Variants in CLEC16A observed in about 807,000 individuals in gnomAD.
The protein encoded by CLEC16A is C-type lectin domain containing 16A.
Under a neutral mutation model 109.5 loss-of-function variants are expected in CLEC16A, and 51 were observed. The observed-to-expected ratio is 0.47, with a 90% CI of 0.37 to 0.59. The LOEUF is 0.59. Ranked by LOEUF, CLEC16A falls within the 20% of genes least tolerant of loss-of-function variation. The pLI, the probability that CLEC16A is intolerant of heterozygous loss-of-function variation, is 0.00. For missense variants in CLEC16A, 1,339 were observed against 1,394.0 expected (o/e 0.96, Z 0.63); for synonymous variants, 673 against 564.2 (o/e 1.19, Z -2.73).
At chr16:10,980,683 C>T (rs1350125415) in intron 9 of CLEC16A, among the ~76,000 whole-genome samples, 1 of 152,104 alleles carries the variant, frequency 6.6e-6, no homozygotes, top group Non-Finnish European at 1.5e-5. Context: ...GTTTCAGTAT[C>T]TCACAGAAAA....
intron 3 of CLEC16A, among the ~76,000 whole-genome samples, chr16:10,966,748 C>G (rs568660165): frequency 3.9e-5 from 6 of 152,148 alleles, no homozygotes; most frequent in East Asian, 1.9e-4. Flanking sequence ...CATCACATCT[C>G]GTGAGAACTC....
chr16:11,049,763 C>T lies in CLEC16A; in HGVS notation c.1867-1750C>T, dbSNP rs72770095. On this transcript the variant is annotated intron_variant, in intron 17 of 23. Coordinates refer to ENST00000409790, the MANE Select transcript of CLEC16A (RefSeq NM_015226.3). ...TCAGTGAGGTGATGGCCTAGCTCTGCCCCCAGCAGGCCTGAGGGGTTCACT... is the reference window on the plus strand; with the variant it reads ...TCAGTGAGGTGATGGCCTAGCTCTGTCCCCAGCAGGCCTGAGGGGTTCACT... 5.3e-3 allele frequency among the ~76,000 whole-genome samples: 806 copies of T among 152,292 alleles called. 1 individual carries two copies. Among genetic ancestry groups the T allele is most frequent in the Non-Finnish European group, 9.2e-3 (627 of 68,024 alleles).
chr16:11,076,474 C>T (rs1052783594), intron 19 of CLEC16A, among the ~76,000 whole-genome samples: 1 of 152,212 alleles, frequency 6.6e-6, no homozygotes, highest in Non-Finnish European at 1.5e-5. Context: ...CCAGCCCACT[C>T]TGTGAGCTGT....
chr16:11,024,793 G>A (rs563804724), intron 12 of CLEC16A, 28 bp from the exon 13 acceptor site: 1 of 1,540,690 alleles, frequency 6.5e-7, no homozygotes, highest in East Asian at 2.4e-5. Flanking sequence ...GCACCGTGAG[G>A]CTCATACATG....
At chr16:11,067,157 TTTTTTTTTTGG>T (rs1049656144) in intron 19 of CLEC16A, among the ~76,000 whole-genome samples, 6 of 105,512 alleles carry the variant, frequency 5.7e-5, no homozygotes, top group African/African-American at 2.4e-4. Context: ...GTTGTGGGGG[TTTTTTTTTTGG>T]TTTTTTTTTT....
chr16:11,011,467 G>A lies in CLEC16A; in HGVS notation c.1303+8162G>A, dbSNP rs1006515504. Among the ~76,000 whole-genome samples the A allele has an allele frequency of 3.3e-5, 5 of 152,118 alleles. No homozygotes were observed. The East Asian group carries it at 9.6e-4, about 29-fold the overall frequency. On this transcript the variant is annotated intron_variant, in intron 11 of 23. Transcript: ENST00000409790. ...TGGCCTGCAGGAACCCTTTCAAGCT[G>A]GCTGTCATGTGCTTGCCTGGTGATT...
chr16:10,979,851 G>A (rs556733154), intron 9 of CLEC16A, among the ~76,000 whole-genome samples: 25 of 152,256 alleles, frequency 1.6e-4, no homozygotes, highest in Admixed American at 1.1e-3. Flanking sequence ...CCAGATTACC[G>A]TGTGGAAGGA....
chr16:11,091,342 C>G (rs912791358), intron 19 of CLEC16A, among the ~76,000 whole-genome samples: 1 of 152,228 alleles, frequency 6.6e-6, no homozygotes, highest in Admixed American at 6.5e-5. Flanking sequence ...GATGAAGAAG[C>G]CTTACTTTGT....
intron 19 of CLEC16A, among the ~76,000 whole-genome samples, chr16:11,099,516 ATGGTCG>A (rs2050788386): frequency 6.6e-6 from 1 of 152,264 alleles, no homozygotes; most frequent in South Asian, 2.1e-4. Flanking sequence ...ACTAGACAGC[ATGGTCG>A]TAGGACATTT....
intron 18 of CLEC16A, among the ~76,000 whole-genome samples, chr16:11,058,360 T>C (rs1449014704): frequency 6.6e-6 from 1 of 152,254 alleles, no homozygotes; most frequent in Non-Finnish European, 1.5e-5. Flanking sequence ...AACGGCGTAG[T>C]GTTTGCATAT....
In CLEC16A at chr16:11,178,251, C is replaced by A. The variant is rs547845908; in HGVS notation, c.2807-84C>A. On this transcript the variant is annotated intron_variant, in intron 23 of 23. Coordinates refer to ENST00000409790, the MANE Select transcript of CLEC16A (RefSeq NM_015226.3). The surrounding 1 kb of genome is among the most constrained non-coding windows in gnomAD (Gnocchi z 6.5). ...CCTCCCACCTAGCTCACCAGGGCCG[C>A]GGTTCAGGATGGGAGCACAGGGCGC... 4.8e-6 allele frequency: 6 copies of A among 1,258,306 alleles called. No individual in the cohort carries two copies. The highest frequency in any genetic ancestry group is 1.5e-5 in the African/African-American group (1 of 67,330). The allele number at this position is 1,258,306 out of a possible 1,614,324, so 77.9% of individuals were successfully genotyped here.
chr16:10,967,554 CT>C (rs1465232027), intron 3 of CLEC16A, among the ~76,000 whole-genome samples: 1 of 152,126 alleles, frequency 6.6e-6, no homozygotes, highest in Non-Finnish European at 1.5e-5. Context: ...GATTTTGAAT[CT>C]CCGAATAATA....
chr16:11,141,118 G>A (rs889544458), intron 22 of CLEC16A, among the ~76,000 whole-genome samples: 13 of 152,236 alleles, frequency 8.5e-5, no homozygotes, highest in Admixed American at 3.3e-4. Context: ...GCCCTGGCTG[G>A]AGTCACTTGC....
chr16:11,156,917 G>GC (rs60216625), intron 22 of CLEC16A, among the ~76,000 whole-genome samples: 3,660 of 77,274 alleles, frequency 0.047, 80 homozygotes, highest in East Asian at 0.15. Context: ...CCAAATGCCC[G>GC]CCCCCCCCCC....
At chr16:11,135,974 C>T (rs1019490872) in intron 22 of CLEC16A, 1 of 152,318 alleles carries the variant, frequency 6.6e-6, no homozygotes, top group African/African-American at 2.4e-5. Flanking sequence ...ATCGAACTTA[C>T]CAAATCTTCC....
intron 18 of CLEC16A, among the ~76,000 whole-genome samples, chr16:11,058,547 T>C (rs1464484955): frequency 6.6e-6 from 1 of 152,072 alleles, no homozygotes; most frequent in African/African-American, 2.4e-5. Flanking sequence ...ATATTTTTGA[T>C]CTACAGTTGG....
At chr16:11,124,916 G>C (rs1377442138) in intron 21 of CLEC16A, among the ~76,000 whole-genome samples, 1 of 152,138 alleles carries the variant, frequency 6.6e-6, no homozygotes, top group Non-Finnish European at 1.5e-5. Context: ...GCAAGACCCT[G>C]TCTCTACAAA....
intron 22 of CLEC16A, among the ~76,000 whole-genome samples, chr16:11,159,196 C>G (rs556954381): frequency 6.6e-6 from 1 of 152,268 alleles, no homozygotes; most frequent in African/African-American, 2.4e-5. Flanking sequence ...TCTGATTTGC[C>G]CCAGTCTCTA....
At chr16:11,042,719 G>T (rs1259641812) in intron 15 of CLEC16A, among the ~76,000 whole-genome samples, 1 of 151,938 alleles carries the variant, frequency 6.6e-6, no homozygotes, top group Non-Finnish European at 1.5e-5. Flanking sequence ...TGGTTTTTGT[G>T]TTTAAAATAT....
Sources: gnomAD v4.1 joint callset for allele counts (sites outside exome capture counted in the v4.1 genomes callset) on GRCh38, gnomAD v4.1.1 for gene constraint, Gnocchi (gnomAD v3.1) non-coding constraint, MANE v1.5 for transcripts, NCBI Gene and HGNC (gene_info 2026-07-23, HGNC 2026-07-21) for gene names.